SPEG: variants seen among roughly 807,000 people sequenced by gnomAD.
SPEG encodes the protein striated muscle preferentially expressed protein kinase.
SPEG carries 114 observed loss-of-function variants against 300.4 expected under a neutral mutation model. The ratio of observed to expected loss-of-function variants is 0.38; its 90% CI spans 0.33 to 0.44. The LOEUF is 0.44. Ranked by LOEUF, SPEG falls within the 20% of genes least tolerant of loss-of-function variation. The pLI is 1.00. For missense variants in SPEG, 4,201 were observed against 4,586.2 expected (o/e 0.92, Z 2.43); for synonymous variants, 1,964 against 2,018.9 (o/e 0.97, Z 0.73).
Position 219,493,046 on chromosome 2 carries a change from G to A in SPEG, c.*260G>A. The A allele has an allele frequency of 1.4e-6, 1 of 690,668 alleles. No homozygotes were observed. The highest frequency in any genetic ancestry group is 1.8e-5 in the African/African-American group (1 of 57,132). The allele number at this position is 690,668 out of a possible 1,614,324, so 42.8% of individuals were successfully genotyped here. A position where few individuals can be genotyped will look rare whatever the true frequency, so the allele number is the denominator to read the frequency against. ...TGGGAACAGGCAGAGGGACAAGAGGGGAATGGAGAAGTGGAGAGGAAAAGG... is the reference window on the plus strand; with the variant it reads ...TGGGAACAGGCAGAGGGACAAGAGGAGAATGGAGAAGTGGAGAGGAAAAGG... On this transcript the variant is annotated 3_prime_UTR_variant, in exon 41 of 41. Transcript: ENST00000312358.
chr2:219,490,118 T>C (rs930292526), intron 36 of SPEG, among the ~76,000 whole-genome samples, 179 bp downstream of exon 36: 1 of 152,242 alleles, frequency 6.6e-6, no homozygotes, highest in Non-Finnish European at 1.5e-5. Flanking sequence ...TTTAGCCATA[T>C]GATCTCATCA....
Position 219,474,928 on chromosome 2 carries a change from T to A in SPEG, c.4447+1025T>A, listed in dbSNP as rs539389134. The stretch of plus-strand genomic sequence containing the variant: ...CTGCCAAGTAGCTGGGACTACAGGC[T>A]TGCACAACCACGCCCAGCAAATTTT... On this transcript the variant is annotated intron_variant, in intron 18 of 40. Transcript: ENST00000312358. Among the ~76,000 whole-genome samples, 4 of 151,898 alleles carry A rather than the reference T, an allele frequency of 2.6e-5. No homozygotes were observed. In the South Asian group the frequency reaches 8.3e-4, roughly 32 times the overall value.
chr2:219,489,636 A>G lies in SPEG; in HGVS notation c.8618A>G (p.Lys2873Arg). 1.2e-6 allele frequency: 2 copies of G among 1,613,900 alleles called. No individual in the cohort carries two copies. Among genetic ancestry groups the G allele is most frequent in the South Asian group, 1.1e-5 (1 of 91,086 alleles). Residue 2873 changes from lysine to arginine, a missense_variant, in exon 36 of 41, where the codon AAG (lysine) becomes AGG (arginine). By Grantham distance (26) the Lys-to-Arg change is conservative. Coordinates refer to ENST00000312358, the MANE Select transcript of SPEG (RefSeq NM_005876.5). ...ACCCACGTCACCCCAAGTGAGCCCA[A>G]GCCTTTCGTCCTTGACACTGGGACC... ...PSTHVTPSEP[K>R]PFVLDTGTPI... is the part of the protein sequence containing the mutation.
In SPEG at chr2:219,473,399, C is replaced by A; in HGVS notation, c.4148-105C>A. On this transcript the variant is annotated intron_variant, in intron 16 of 40. Coordinates refer to ENST00000312358, the MANE Select transcript of SPEG (RefSeq NM_005876.5). The surrounding 1 kb of genome is among the most constrained non-coding windows in gnomAD (Gnocchi z 4.6). ...CCTCTCTGAGCTTCAGCTTTCCCAT[C>A]TGTAAAAACGGAACTCAAGTGTTGA... is the stretch of plus-strand genomic sequence containing the variant. 1.8e-6 allele frequency: 2 copies of A among 1,141,184 alleles called. No homozygotes were observed. Among genetic ancestry groups the A allele is most frequent in the Non-Finnish European group, 2.6e-6 (2 of 777,692 alleles). 70.7% of individuals were successfully genotyped at this position (1,141,184 alleles called of 1,614,324 possible).
chr2:219,441,640 A>G (rs1268128061), intron 1 of SPEG: 3 of 466,690 alleles, frequency 6.4e-6, no homozygotes, highest in Non-Finnish European at 1.3e-5. Context: ...AAGTGGCCTG[A>G]GCTAGAGGCC....
rs1052681843 is a variant in SPEG at position 219,444,731 on chromosome 2, G to A, written c.467G>A (p.Ser156Asn). The A allele has an allele frequency of 1.2e-6, 2 of 1,613,936 alleles. No homozygotes were observed. The highest frequency in any genetic ancestry group is 1.7e-5 in the Admixed American group (1 of 59,990). Residue 156 changes from serine (S) to asparagine (N), a missense_variant, in exon 2 of 41, where the codon AGC (serine) becomes AAC (asparagine). Ser to Asn is a conservative substitution (Grantham distance 46). Transcript: ENST00000312358. This position sits in a 1 kb window ranked among gnomAD's most constrained non-coding sequence, Gnocchi z 7.8. ...GAGCTTCGGGATGACGGGGCCTTCA[G>A]CACCCCCACGGGTGAGCTCCTGGGG... ...RLELRDDGAF[S>N]TPTGGSDTLV... is the part of the protein sequence containing the mutation.
chr2:219,485,462 G>C lies in SPEG; in HGVS notation c.7726G>C (p.Val2576Leu). The change falls in exon 31 of 41, where the codon GTG (valine) becomes CTG (leucine). Residue 2576 changes from valine (V) to leucine (L), a missense_variant. Transcript: ENST00000312358. Reference sequence around the variant, plus strand: ...CCAGGAGGAGTTGGGTCACCAGTACGTGCGCAGTGAGTCAGGTAATAAGAG... The same window carrying C: ...CCAGGAGGAGTTGGGTCACCAGTACCTGCGCAGTGAGTCAGGTAATAAGAG... ...SVQEELGHQY[V>L]RSESDFPPVF... 2 of 1,591,272 alleles carry C rather than the reference G, an allele frequency of 1.3e-6. No individual in the cohort carries two copies. Among genetic ancestry groups the C allele is most frequent in the African/African-American group, 1.4e-5 (1 of 73,866 alleles).
At chr2:219,472,369 G>C (rs772768143) in intron 15 of SPEG, 38 bp downstream of exon 15, 2 of 1,574,166 alleles carry the variant, frequency 1.3e-6, no homozygotes, top group South Asian at 2.2e-5. Flanking sequence ...GTGGGGAAGG[G>C]GTGTGGAGAA....
In SPEG at chr2:219,445,146, C is replaced by A. The variant is rs762057369; in HGVS notation, c.800C>A (p.Ala267Glu). 1 of 1,576,340 alleles carries A rather than the reference C, an allele frequency of 6.3e-7. No homozygotes were observed. The highest frequency in any genetic ancestry group is 8.6e-7 in the Non-Finnish European group (1 of 1,161,890). ...GSAFSLYRGR[A>E]LSIHVSVPQS... is the part of the protein sequence containing the mutation. ...GCATTCAGCCTGTACAGAGGACGGG[C>A]GCTCTCTATCCACGTGTAAGTAACG... The change falls in exon 3 of 41, where the codon GCG becomes GAG. Residue 267 changes from alanine (A) to glutamate (E), a missense_variant. Coordinates refer to ENST00000312358, the MANE Select transcript of SPEG (RefSeq NM_005876.5). This position sits in a 1 kb window ranked among gnomAD's most constrained non-coding sequence, Gnocchi z 6.1.
chr2:219,488,106 G>C, intron 31 of SPEG, 88 bp from the exon 32 acceptor site: 1 of 789,824 alleles, frequency 1.3e-6, no homozygotes. Context: ...CTTCCTGATG[G>C]CTGTTTGCAG....
At position 219,493,414 on chromosome 2, in the gene SPEG, A is replaced by G. The variant is rs1045903288; in HGVS notation, c.*628A>G. 7 of 386,786 alleles carry G rather than the reference A, an allele frequency of 1.8e-5. No individual in the cohort carries two copies. The highest frequency in any genetic ancestry group is 5.6e-5 in the Admixed American group (2 of 35,464). 24.0% of individuals were successfully genotyped at this position (386,786 alleles called of 1,614,324 possible). On this transcript the variant is annotated 3_prime_UTR_variant, in exon 41 of 41. Coordinates refer to ENST00000312358, the MANE Select transcript of SPEG (RefSeq NM_005876.5). The stretch of plus-strand genomic sequence containing the variant: ...TCACACTCGCTCTGTCCTCCTGTCC[A>G]GTGGATACAGCCCTGGGCGCTCTGC...
chr2:219,435,113 C>A lies in SPEG; in HGVS notation c.136C>A (p.Leu46Met). The A allele has an allele frequency of 1.4e-6, 2 of 1,455,490 alleles. No homozygotes were observed. The highest frequency in any genetic ancestry group is 1.8e-6 in the Non-Finnish European group (2 of 1,114,908). The allele number at this position is 1,455,490 out of a possible 1,614,324, so 90.2% of individuals were successfully genotyped here. A position where few individuals can be genotyped will look rare whatever the true frequency, so the allele number is the denominator to read the frequency against. Residue 46 changes from leucine to methionine, a missense_variant, in exon 1 of 41, where the codon CTG (leucine) becomes ATG (methionine). Coordinates refer to ENST00000312358, the MANE Select transcript of SPEG (RefSeq NM_005876.5). ...PVAVAGAPVF[L>M]RPLKNAAVCA... The stretch of plus-strand genomic sequence containing the variant: ...GGCCGTGGCCGGGGCGCCAGTCTTC[C>A]TGCGGCCCCTGAAGAACGCGGCGGT...
At position 219,483,870 on chromosome 2, in the gene SPEG, C is replaced by CGGA; in HGVS notation, c.6409_6411dup (p.Glu2137dup). On this transcript the variant is annotated inframe_insertion, in exon 30 of 41. Coordinates refer to ENST00000312358, the MANE Select transcript of SPEG (RefSeq NM_005876.5). ...AGCAGCAGCTTCTCCCAGGGTGAGG[C>CGGA]GGAGCCCCGGGGCCGGCACCGCCGA... 1.3e-6 allele frequency: 2 copies of CGGA among 1,595,586 alleles called. No individual in the cohort carries two copies.
At chr2:219,466,138 G>T in intron 9 of SPEG, 1 of 1,554,656 alleles carries the variant, frequency 6.4e-7, no homozygotes, top group Non-Finnish European at 8.6e-7. Flanking sequence ...CTCGGACCTC[G>T]CTGTGTTTCA....
In SPEG at chr2:219,443,911, C is replaced by T. The variant is rs575802073; in HGVS notation, c.389-742C>T. 490 of 786,036 alleles carry T rather than the reference C, an allele frequency of 6.2e-4. 2 individuals are homozygous for T. Among genetic ancestry groups the T allele is most frequent in the Non-Finnish European group, 8.5e-4 (438 of 515,554 alleles). 48.7% of individuals were successfully genotyped at this position (786,036 alleles called of 1,614,324 possible). A position where few individuals can be genotyped will look rare whatever the true frequency, so the allele number is the denominator to read the frequency against. ...CTCCCCACCCATTGCCACAGGACACCTCTGGGGACTGGGTGCCTCACGCCC... is the reference window on the plus strand; with the variant it reads ...CTCCCCACCCATTGCCACAGGACACTTCTGGGGACTGGGTGCCTCACGCCC... On this transcript the variant is annotated intron_variant, in intron 1 of 40. Coordinates refer to ENST00000312358, the MANE Select transcript of SPEG (RefSeq NM_005876.5). The surrounding 1 kb of genome is among the most constrained non-coding windows in gnomAD (Gnocchi z 4.6).
At chr2:219,488,361 G>A in intron 32 of SPEG, 51 bp downstream of exon 32, 1 of 1,537,538 alleles carries the variant, frequency 6.5e-7, no homozygotes, top group South Asian at 1.2e-5. Context: ...GTGGCCCTGA[G>A]CCCAGGGGAT....
Position 219,488,830 on chromosome 2 carries a change from G to C in SPEG, c.8079G>C (p.Thr2693=), listed in dbSNP as rs200286305. ...PPEVPQTYQD[T]ALVLWKPGDS... The stretch of plus-strand genomic sequence containing the variant: ...AGGTACCCCAGACCTACCAGGACAC[G>C]GCGCTGGTGCTGTGGAAGCCGGGAG... The change falls in exon 34 of 41, where the codon ACG becomes ACC. Residue 2693 remains threonine (T), a synonymous_variant. Transcript: ENST00000312358. The C allele has an allele frequency of 6.3e-7, 1 of 1,594,522 alleles. No homozygotes were observed. Among genetic ancestry groups the C allele is most frequent in the Admixed American group, 1.8e-5 (1 of 56,708 alleles).
intron 15 of SPEG, 27 bp downstream of exon 15, chr2:219,472,358 G>A (rs1691958740): frequency 3.1e-6 from 5 of 1,589,590 alleles, no homozygotes; most frequent in Non-Finnish European, 4.3e-6. Context: ...CAGGGCCATG[G>A]GTGGGGAAGG....
Position 219,465,912 on chromosome 2 carries a change from CGT to C in SPEG, c.2882-1252_2882-1251del, listed in dbSNP as rs1024847502. 2.5e-4 allele frequency: 169 copies of C among 685,246 alleles called. No individual in the cohort carries two copies. In the African/African-American group the frequency reaches 2.7e-3, roughly 11 times the overall value. 42.4% of individuals were successfully genotyped at this position (685,246 alleles called of 1,614,324 possible). On this transcript the variant is annotated intron_variant, in intron 9 of 40. Coordinates refer to ENST00000312358, the MANE Select transcript of SPEG (RefSeq NM_005876.5). The stretch of plus-strand genomic sequence containing the variant: ...ATGTGTGCGTATGGGTGTGTGCATG[CGT>C]GTGTGTGTGCGCGCGTGTGCGTGCA...
Sources: allele counts gnomAD v4.1 joint callset (sites outside exome capture counted in the v4.1 genomes callset), GRCh38; gene constraint gnomAD v4.1.1; non-coding constraint Gnocchi (gnomAD v3.1); transcripts MANE v1.5; gene names NCBI Gene and HGNC (gene_info 2026-07-23, HGNC 2026-07-21).